Variants in KCNQ4 observed in about 807,000 individuals in gnomAD.
KCNQ4 encodes potassium voltage-gated channel subfamily KQT member 4.
In KCNQ4, 31 loss-of-function variants were observed where a neutral mutation model predicts 72.6. That is an observed-to-expected ratio of 0.43 (90% CI 0.32 to 0.58). The LOEUF (loss-of-function observed/expected upper bound fraction) is 0.58, where lower values mean the gene tolerates loss of function less well. KCNQ4 is among the 20% of genes least tolerant of loss of function. The probability of loss-of-function intolerance (pLI) is 0.08; values close to 1 mark genes in which losing one functional copy is unlikely to be tolerated. For missense variants in KCNQ4, 869 were observed against 962.6 expected (o/e 0.90, Z 1.29); for synonymous variants, 405 against 403.7 (o/e 1.00, Z -0.04).
chr1:40,838,527 A>G lies in KCNQ4; in HGVS notation c.*4A>G, dbSNP rs2148335285. On this transcript the variant is annotated 3_prime_UTR_variant, in exon 14 of 14. Transcript: ENST00000347132. Reference sequence around the variant, plus strand: ...GGTCAGCACCAACATGGACTGAGGGACTTCTCAGAGGCAGGGCAGCACACG... The same window carrying G: ...GGTCAGCACCAACATGGACTGAGGGGCTTCTCAGAGGCAGGGCAGCACACG... 1 of 1,613,770 alleles carries G rather than the reference A, an allele frequency of 6.2e-7. No homozygotes were observed. Among genetic ancestry groups the G allele is most frequent in the South Asian group, 1.1e-5 (1 of 91,084 alleles).
Position 40,820,188 on chromosome 1 carries a change from C to T in KCNQ4, c.969C>T (p.Ala323=). Residue 323 remains alanine, a synonymous_variant, in exon 7 of 14, where the codon GCC becomes GCT. Transcript: ENST00000347132. ...LPAGILGSGF[A]LKVQEQHRQK... is the part of the protein sequence containing the mutation. ...AGGGCATCCTAGGCTCCGGCTTTGC[C>T]CTGAAGGTCCAGGAGCAGCACCGGC... 1 of 1,609,882 alleles carries T rather than the reference C, an allele frequency of 6.2e-7. No individual in the cohort carries two copies. The highest frequency in any genetic ancestry group is 8.5e-7 in the Non-Finnish European group (1 of 1,178,196).
chr1:40,818,480 G>T, intron 3 of KCNQ4, 25 bp from the exon 4 acceptor site: 7 of 1,599,064 alleles, frequency 4.4e-6, no homozygotes, highest in Non-Finnish European at 5.1e-6. Flanking sequence ...GGCTGGCTGT[G>T]ATCTCGCCGC....
chr1:40,815,977 A>G (rs1648073226), intron 1 of KCNQ4, among the ~76,000 whole-genome samples: 1 of 152,190 alleles, frequency 6.6e-6, no homozygotes, highest in East Asian at 1.9e-4. Flanking sequence ...ACACATAGGG[A>G]GGCAAGCATC....
chr1:40,815,287 CAAG>C (rs1403968818), intron 1 of KCNQ4, among the ~76,000 whole-genome samples: 5 of 151,548 alleles, frequency 3.3e-5, no homozygotes, highest in African/African-American at 1.2e-4. Context: ...ATGAAACATT[CAAG>C]AAGAAGTCCC....
Position 40,811,479 on chromosome 1 carries a change from T to A in KCNQ4, c.315-5786T>A, listed in dbSNP as rs144573061. On this transcript the variant is annotated intron_variant, in intron 1 of 13. Transcript: ENST00000347132. ...GGCATATTTTCCACTTCAAACTTAC[T>A]GAATCAGACACTGTAGGAATAGGTC... Among the ~76,000 whole-genome samples, 8 of 152,228 alleles carry A rather than the reference T, an allele frequency of 5.3e-5. No individual in the cohort carries two copies. The South Asian group carries it at 1.7e-3, about 31-fold the overall frequency.
chr1:40,813,733 CTTGTTTTTGTTTTTGTTT>C (rs550707773), intron 1 of KCNQ4, among the ~76,000 whole-genome samples: 5 of 151,698 alleles, frequency 3.3e-5, no homozygotes, highest in Non-Finnish European at 5.9e-5. Context: ...GTGGGCTTTT[CTTGTTTTTGTTTTTGTTT>C]TTGTTTTTGT....
In KCNQ4 at chr1:40,838,854, G is replaced by A. The variant is rs1428901202; in HGVS notation, c.*331G>A. 2 of 436,904 alleles carry A rather than the reference G, an allele frequency of 4.6e-6. No individual in the cohort carries two copies. Among genetic ancestry groups the A allele is most frequent in the South Asian group, 2.3e-5 (1 of 43,008 alleles). 27.1% of individuals were successfully genotyped at this position (436,904 alleles called of 1,614,324 possible). On this transcript the variant is annotated 3_prime_UTR_variant, in exon 14 of 14. Transcript: ENST00000347132. ...CACAGCCCCGGGAGTGGGAGCGGGC[G>A]CTGGGGCCCTGGGCCCTGACCCAGC...
Position 40,824,224 on chromosome 1 carries a change from C to A in KCNQ4, c.1258C>A (p.Arg420=). 1 of 1,607,244 alleles carries A rather than the reference C, an allele frequency of 6.2e-7. No homozygotes were observed. The highest frequency in any genetic ancestry group is 1.7e-4 in the Middle Eastern group (1 of 6,030). Residue 420 remains arginine, a synonymous_variant, in exon 9 of 14, where the codon CGG becomes AGG. Coordinates refer to ENST00000347132, the MANE Select transcript of KCNQ4 (RefSeq NM_004700.4). ...TTACCCGCCCGTTGCCACCTGCCACCGGCCGGGCAGCACCTCCTTCTGCCC... is the reference window on the plus strand; with the variant it reads ...TTACCCGCCCGTTGCCACCTGCCACAGGCCGGGCAGCACCTCCTTCTGCCC... The part of the protein sequence containing the change: ...SRYPPVATCH[R]PGSTSFCPGE...
chr1:40,833,240 C>T, intron 11 of KCNQ4, 127 bp downstream of exon 11: 1 of 678,472 alleles, frequency 1.5e-6, no homozygotes, highest in East Asian at 3.1e-5. Flanking sequence ...GAAACCCCGT[C>T]TCTACTAAAA....
At chr1:40,806,088 G>T (rs1318974395) in intron 1 of KCNQ4, among the ~76,000 whole-genome samples, 1 of 152,164 alleles carries the variant, frequency 6.6e-6, no homozygotes, top group Non-Finnish European at 1.5e-5. Flanking sequence ...TGATCCGCCT[G>T]CCTCAGCCTC....
intron 1 of KCNQ4, among the ~76,000 whole-genome samples, chr1:40,808,375 T>C (rs539424970): frequency 1.3e-5 from 2 of 152,230 alleles, no homozygotes; most frequent in African/African-American, 4.8e-5. Context: ...CTGAAATGCA[T>C]GTGTTGAGTG....
chr1:40,816,031 C>T (rs558019631), intron 1 of KCNQ4, among the ~76,000 whole-genome samples: 1 of 137,864 alleles, frequency 7.3e-6, no homozygotes, highest in African/African-American at 2.7e-5. Context: ...GTGCGGGAAT[C>T]AGAGGCTCCG....
rs979515462 is a variant in KCNQ4 at position 40,784,496 on chromosome 1, AC to A, written c.314+95del. On this transcript the variant is annotated intron_variant, in intron 1 of 13. Transcript: ENST00000347132. The surrounding 1 kb of genome is among the most constrained non-coding windows in gnomAD (Gnocchi z 4.1). ...CCGCCCCGCCCTGGCTCCGCCTTCT[AC>A]CCCCCTGCCTCAGGGCCGACCCTCA... 182 of 1,310,608 alleles carry A rather than the reference AC, an allele frequency of 1.4e-4. No individual in the cohort carries two copies. The African/African-American group carries it at 2.4e-3, about 17-fold the overall frequency. The allele number at this position is 1,310,608 out of a possible 1,614,324, so 81.2% of individuals were successfully genotyped here.
intron 1 of KCNQ4, among the ~76,000 whole-genome samples, chr1:40,816,507 T>C (rs984417853): frequency 5.3e-5 from 8 of 152,202 alleles, no homozygotes; most frequent in African/African-American, 1.9e-4. Context: ...TCTTCGGGCC[T>C]GTTTCCTCGT....
chr1:40,834,818 A>T, intron 11 of KCNQ4, 149 bp from the exon 12 acceptor site: 1 of 981,142 alleles, frequency 1.0e-6, no homozygotes, highest in Middle Eastern at 2.3e-4. Context: ...GAGGTAGGGG[A>T]GGCTGGGAGA....
At chr1:40,805,073 A>T (rs1647716358) in intron 1 of KCNQ4, 2 of 152,202 alleles carry the variant, frequency 1.3e-5, no homozygotes, top group Admixed American at 1.3e-4. Flanking sequence ...CGTGTTGACC[A>T]GTAGTGGGAT....
intron 1 of KCNQ4, among the ~76,000 whole-genome samples, chr1:40,801,197 G>A (rs1204682794): frequency 6.6e-6 from 1 of 151,758 alleles, no homozygotes; most frequent in African/African-American, 2.4e-5. Flanking sequence ...ATGGGGGTGA[G>A]TCCTGGGCTG....
chr1:40,797,409 T>C (rs1647446445), intron 1 of KCNQ4, among the ~76,000 whole-genome samples: 1 of 152,128 alleles, frequency 6.6e-6, no homozygotes, highest in Non-Finnish European at 1.5e-5. Flanking sequence ...GAACAGGGCA[T>C]TTGCAAAGAA....
At chr1:40,833,189 A>G in intron 11 of KCNQ4, 76 bp downstream of exon 11, 5 of 1,079,726 alleles carry the variant, frequency 4.6e-6, no homozygotes, top group Non-Finnish European at 5.5e-6. Flanking sequence ...CGGGTGGATC[A>G]CTTGAGGTCA....
Sources: allele counts gnomAD v4.1 joint callset (sites outside exome capture counted in the v4.1 genomes callset), GRCh38; gene constraint gnomAD v4.1.1; non-coding constraint Gnocchi (gnomAD v3.1); transcripts MANE v1.5; gene names NCBI Gene and HGNC (gene_info 2026-07-23, HGNC 2026-07-21).